The following GRID2 variants were observed in gnomAD, a reference collection of about 807,000 sequenced individuals.
The protein encoded by GRID2 is glutamate ionotropic receptor delta type subunit 2.
A neutral mutation model predicts 114.8 loss-of-function variants in GRID2; 33 were observed. That is an observed-to-expected ratio of 0.29 (90% CI 0.22 to 0.38). GRID2 has a LOEUF of 0.38. GRID2 is among the 10% of genes least tolerant of loss of function. GRID2 has a pLI of 1.00. For synonymous variants in GRID2, 505 were observed against 449.9 expected, an observed-to-expected ratio of 1.12 and a Z score of -1.55; for missense variants, 1,184 against 1,257.7, an observed-to-expected ratio of 0.94 and a Z score of 0.89.
chr4:93,026,888 T>TA (rs1182762147), intron 2 of GRID2, among the ~76,000 whole-genome samples: 2 of 152,034 alleles, frequency 1.3e-5, no homozygotes, highest in African/African-American at 4.8e-5. Context: ...AAAAAAATGA[T>TA]AATGGCCTGA....
chr4:92,621,954 C>CT (rs1730297519), intron 2 of GRID2, among the ~76,000 whole-genome samples: 1 of 151,592 alleles, frequency 6.6e-6, no homozygotes, highest in Non-Finnish European at 1.5e-5. Context: ...TAGAAAGGAG[C>CT]TAAAGAGGAG....
chr4:92,459,398 TA>T (rs953176209), intron 1 of GRID2, among the ~76,000 whole-genome samples: 1 of 152,178 alleles, frequency 6.6e-6, no homozygotes, highest in African/African-American at 2.4e-5. Context: ...TGTCTGGCAA[TA>T]TGCAAACCAT....
chr4:92,866,161 T>C (rs1351879546), intron 2 of GRID2, among the ~76,000 whole-genome samples: 1 of 152,176 alleles, frequency 6.6e-6, no homozygotes, highest in African/African-American at 2.4e-5. Context: ...GAGAGGAATA[T>C]TGTGAGGAAG....
At chr4:92,682,507 CAT>C (rs1733696995) in intron 2 of GRID2, among the ~76,000 whole-genome samples, 1 of 152,154 alleles carries the variant, frequency 6.6e-6, no homozygotes, top group Admixed American at 6.5e-5. Context: ...ACTTCCATTT[CAT>C]ATCTTTGTGA....
chr4:92,432,055 G>A (rs950693893), intron 1 of GRID2, among the ~76,000 whole-genome samples: 7 of 152,268 alleles, frequency 4.6e-5, no homozygotes, highest in East Asian at 3.9e-4. Flanking sequence ...TTTACCAGGC[G>A]GGGAATCTTG....
chr4:92,373,768 T>C (rs1413960049), intron 1 of GRID2, among the ~76,000 whole-genome samples: 1 of 152,172 alleles, frequency 6.6e-6, no homozygotes, highest in South Asian at 2.1e-4. Context: ...AGTTATACTT[T>C]TGTGGGTTTT....
At chr4:92,971,959 T>G (rs1753546001) in intron 2 of GRID2, among the ~76,000 whole-genome samples, 1 of 152,170 alleles carries the variant, frequency 6.6e-6, no homozygotes, top group African/African-American at 2.4e-5. Flanking sequence ...TTAGGTTGAC[T>G]CCACATCTTG....
intron 8 of GRID2, among the ~76,000 whole-genome samples, chr4:93,298,859 G>A (rs1394994266): frequency 2.6e-5 from 4 of 152,150 alleles, no homozygotes; most frequent in South Asian, 2.1e-4. Flanking sequence ...GAAGATACAT[G>A]GCATCTGCTT....
intron 1 of GRID2, among the ~76,000 whole-genome samples, chr4:92,456,488 A>G (rs1456066176): frequency 1.3e-5 from 2 of 152,146 alleles, no homozygotes; most frequent in African/African-American, 4.8e-5. Flanking sequence ...TTTCTACTAA[A>G]TTCAAACCTA....
intron 2 of GRID2, among the ~76,000 whole-genome samples, chr4:92,780,705 G>C (rs2149358338): frequency 6.6e-6 from 1 of 152,058 alleles, no homozygotes; most frequent in Admixed American, 6.6e-5. Flanking sequence ...CCATCCTCTG[G>C]CCTGGTAAGC....
intron 12 of GRID2, among the ~76,000 whole-genome samples, chr4:93,491,373 C>G (rs1726989097): frequency 6.6e-6 from 1 of 151,830 alleles, no homozygotes; most frequent in Non-Finnish European, 1.5e-5. Context: ...TAGTGATTAA[C>G]TATGGTGCAC....
chr4:93,575,393 GACTCTGTTCTA>G (rs1306284304), intron 13 of GRID2, among the ~76,000 whole-genome samples: 1 of 152,092 alleles, frequency 6.6e-6, no homozygotes, highest in Non-Finnish European at 1.5e-5. Flanking sequence ...TAGTGGCAAG[GACTCTGTTCTA>G]ACATCATGTT....
intron 2 of GRID2, among the ~76,000 whole-genome samples, chr4:93,012,096 A>AC (rs1473880081): frequency 1.3e-5 from 2 of 151,624 alleles, no homozygotes; most frequent in South Asian, 2.1e-4. Context: ...AAAAAAAAAA[A>AC]AACATGTATA....
intron 12 of GRID2, among the ~76,000 whole-genome samples, chr4:93,503,451 G>T (rs752358931): frequency 6.6e-6 from 1 of 151,702 alleles, no homozygotes; most frequent in South Asian, 2.1e-4. Context: ...CATTAGGTAT[G>T]TCACCTAATG....
rs111765120 is a variant in GRID2 at position 92,816,247 on chromosome 4, G to A, written c.244+225961G>A. ...GGAGAATCACTTGAACCTGGGAGGC[G>A]GAGTATGTGGTGAGCTGAAATCGCA... On this transcript the variant is annotated intron_variant, in intron 2 of 15. Coordinates refer to ENST00000282020, the MANE Select transcript of GRID2 (RefSeq NM_001510.4). 6.8e-3 allele frequency among the ~76,000 whole-genome samples: 1,018 copies of A among 149,462 alleles called. 16 individuals carry two copies. The highest frequency in any genetic ancestry group is 0.023 in the African/African-American group (937 of 40,728).
At chr4:92,760,985 A>G (rs1578155721) in intron 2 of GRID2, among the ~76,000 whole-genome samples, 1 of 152,144 alleles carries the variant, frequency 6.6e-6, no homozygotes, top group African/African-American at 2.4e-5. Flanking sequence ...TTATTAACTA[A>G]TATCTTTATT....
At chr4:93,677,596 C>G (rs11930686) in intron 14 of GRID2, among the ~76,000 whole-genome samples, 4,628 of 152,102 alleles carry the variant, frequency 0.03, 110 homozygotes, top group African/African-American at 0.062. Flanking sequence ...CCAGAGGAAC[C>G]ATCAGACAGC....
chr4:93,363,393 A>G (rs2149278328), intron 8 of GRID2, among the ~76,000 whole-genome samples: 1 of 152,206 alleles, frequency 6.6e-6, no homozygotes, highest in Non-Finnish European at 1.5e-5. Context: ...GGTTAAGAGG[A>G]GTGATGATTT....
At chr4:92,789,988 A>G (rs1262818171) in intron 2 of GRID2, among the ~76,000 whole-genome samples, 1 of 151,900 alleles carries the variant, frequency 6.6e-6, no homozygotes, top group African/African-American at 2.4e-5. Context: ...CAAAAGACTC[A>G]GATGGGACTC....
Sources: allele counts gnomAD v4.1 joint callset (sites outside exome capture counted in the v4.1 genomes callset), GRCh38; gene constraint gnomAD v4.1.1; transcripts MANE v1.5; gene names NCBI Gene and HGNC (gene_info 2026-07-23, HGNC 2026-07-21).